DENND11: variants seen among roughly 807,000 people sequenced by gnomAD.
DENND11 encodes DENN domain containing 11, also known as DENN domain-containing protein 11.
DENND11 carries 34 observed loss-of-function variants against 49.2 expected under a neutral mutation model. The observed-to-expected ratio is 0.69, with a 90% CI of 0.53 to 0.92. The LOEUF (loss-of-function observed/expected upper bound fraction) is 0.92. Among genes scored for constraint, DENND11 ranks in the 40% least tolerant of loss-of-function variants. The probability of loss-of-function intolerance (pLI) is 0.00; values close to 1 mark genes in which losing one functional copy is unlikely to be tolerated. For synonymous variants in DENND11, 238 were observed against 230.3 expected, an observed-to-expected ratio of 1.03 and a Z score of -0.30; for missense variants, 475 against 581.6, an observed-to-expected ratio of 0.82 and a Z score of 1.88.
intron 3 of DENND11, among the ~76,000 whole-genome samples, chr7:141,682,989 A>G (rs1343462076): frequency 6.6e-6 from 1 of 152,128 alleles, no homozygotes; most frequent in Non-Finnish European, 1.5e-5. Context: ...TTGAGTACAG[A>G]AAAAGACATA....
At chr7:141,701,162 G>C (rs547725166) in intron 1 of DENND11, among the ~76,000 whole-genome samples, 3 of 152,146 alleles carry the variant, frequency 2.0e-5, no homozygotes, top group East Asian at 3.9e-4. Flanking sequence ...CTAAGATTAT[G>C]TGGGATAAGA....
chr7:141,686,054 T>TGG (rs1798237783), intron 2 of DENND11, among the ~76,000 whole-genome samples: 1 of 152,216 alleles, frequency 6.6e-6, no homozygotes, highest in African/African-American at 2.4e-5. Flanking sequence ...TGCCATTTTA[T>TGG]TTCCTCCTCT....
chr7:141,668,951 T>A (rs1346814977), intron 4 of DENND11, among the ~76,000 whole-genome samples: 1 of 152,192 alleles, frequency 6.6e-6, no homozygotes, highest in Non-Finnish European at 1.5e-5. Context: ...CCATACTCCA[T>A]CCTCTTTTCA....
At chr7:141,701,097 T>C (rs1798503932) in intron 1 of DENND11, among the ~76,000 whole-genome samples, 1 of 152,010 alleles carries the variant, frequency 6.6e-6, no homozygotes, top group African/African-American at 2.4e-5. Context: ...TTCCACCTTC[T>C]GTCCCCCGTG....
At chr7:141,695,667 G>T (rs1264686736) in intron 1 of DENND11, among the ~76,000 whole-genome samples, 1 of 152,234 alleles carries the variant, frequency 6.6e-6, no homozygotes, top group African/African-American at 2.4e-5. Context: ...TAAGAACTCA[G>T]CCAGGGAGCT....
intron 1 of DENND11, among the ~76,000 whole-genome samples, chr7:141,695,532 G>A (rs1043054918): frequency 6.6e-6 from 1 of 152,200 alleles, no homozygotes; most frequent in East Asian, 1.9e-4. Flanking sequence ...AAGTGATTTT[G>A]CATAATTAGT....
intron 1 of DENND11, among the ~76,000 whole-genome samples, chr7:141,696,813 C>T (rs1026614178): frequency 6.6e-6 from 1 of 152,186 alleles, no homozygotes; most frequent in Non-Finnish European, 1.5e-5. Context: ...TTGGTTCAGA[C>T]CCTAACATCA....
chr7:141,688,769 C>G (rs1798282598), intron 1 of DENND11, among the ~76,000 whole-genome samples: 1 of 152,148 alleles, frequency 6.6e-6, no homozygotes, highest in South Asian at 2.1e-4. Context: ...CAGGGGCTAC[C>G]CTAGGTCTAT....
chr7:141,694,158 T>A (rs555481588), intron 1 of DENND11, among the ~76,000 whole-genome samples: 1 of 152,184 alleles, frequency 6.6e-6, no homozygotes, highest in Non-Finnish European at 1.5e-5. Context: ...ACATTAATTA[T>A]TTAAAAAAAC....
chr7:141,701,300 T>G (rs1229248599), intron 1 of DENND11, among the ~76,000 whole-genome samples: 1 of 151,048 alleles, frequency 6.6e-6, no homozygotes, highest in East Asian at 2.0e-4. Context: ...AATAATGCAG[T>G]CAGAGAAAGT....
Position 141,698,726 on chromosome 7 carries a change from A to AAC in DENND11, c.268+3158_268+3159dup, listed in dbSNP as rs147485805. Reference sequence around the variant, plus strand: ...GAATCACTGCATATATTCCTGCTCAAACACACACACACACACCCTTTCTAA... The same window carrying AAC: ...GAATCACTGCATATATTCCTGCTCAAACACACACACACACACACCCTTTCTAA... On this transcript the variant is annotated intron_variant, in intron 1 of 8. Coordinates refer to ENST00000536163, the MANE Select transcript of DENND11 (RefSeq NM_001080392.2). 2.7e-3 allele frequency among the ~76,000 whole-genome samples: 407 copies of AAC among 151,382 alleles called. 1 individual carries two copies. The highest frequency in any genetic ancestry group is 4.3e-3 in the Non-Finnish European group (290 of 67,720).
intron 1 of DENND11, among the ~76,000 whole-genome samples, chr7:141,695,944 T>C (rs1325153543): frequency 2.6e-5 from 4 of 152,256 alleles, no homozygotes; most frequent in Non-Finnish European, 5.9e-5. Flanking sequence ...CAGCTGGTCA[T>C]TGAACAAATA....
At chr7:141,680,230 ACT>A (rs1798127528) in intron 3 of DENND11, among the ~76,000 whole-genome samples, 1 of 152,132 alleles carries the variant, frequency 6.6e-6, no homozygotes, top group African/African-American at 2.4e-5. Context: ...CAAGGAAGAA[ACT>A]CTCAACCTAC....
At chr7:141,689,317 C>G (rs1419203150) in intron 1 of DENND11, among the ~76,000 whole-genome samples, 2 of 152,128 alleles carry the variant, frequency 1.3e-5, no homozygotes, top group African/African-American at 2.4e-5. Flanking sequence ...ATGGATGGAG[C>G]TGGAAGCCAT....
At chr7:141,697,018 ACTT>A (rs1168430821) in intron 1 of DENND11, among the ~76,000 whole-genome samples, 2 of 152,224 alleles carry the variant, frequency 1.3e-5, no homozygotes, top group African/African-American at 2.4e-5. Flanking sequence ...CAATGCATTC[ACTT>A]TACAAAGAAA....
At chr7:141,677,898 T>C (rs1232414891) in intron 3 of DENND11, among the ~76,000 whole-genome samples, 2 of 152,098 alleles carry the variant, frequency 1.3e-5, no homozygotes, top group East Asian at 3.8e-4. Context: ...ACATAATTCA[T>C]GATACACCGG....
chr7:141,662,953 T>C lies in DENND11; in HGVS notation c.1173-102A>G, dbSNP rs140788982. ...ACCAAAACTATACTGTTTTGTTTAA[T>C]GTACTTTTCAGTGGATTCGCAGGTA... On this transcript the variant is annotated intron_variant, in intron 8 of 8. Coordinates refer to ENST00000536163, the MANE Select transcript of DENND11 (RefSeq NM_001080392.2). 6,409 of 826,342 alleles carry C rather than the reference T, an allele frequency of 7.8e-3. 47 individuals carry two copies. The highest frequency in any genetic ancestry group is 8.6e-3 in the Middle Eastern group (36 of 4,200). The allele number at this position is 826,342 out of a possible 1,614,324, so 51.2% of individuals were successfully genotyped here.
chr7:141,666,720 A>G (rs916559587), intron 4 of DENND11, among the ~76,000 whole-genome samples: 1 of 152,252 alleles, frequency 6.6e-6, no homozygotes, highest in Non-Finnish European at 1.5e-5. Context: ...TAAAAAAACC[A>G]GAATAAAAGC....
intron 1 of DENND11, among the ~76,000 whole-genome samples, chr7:141,696,356 T>C (rs1798413514): frequency 6.6e-6 from 1 of 152,252 alleles, no homozygotes; most frequent in Non-Finnish European, 1.5e-5. Context: ...GGACATTAAC[T>C]GCAGTAACTG....
Sources: allele counts gnomAD v4.1 joint callset (sites outside exome capture counted in the v4.1 genomes callset), GRCh38; gene constraint gnomAD v4.1.1; transcripts MANE v1.5; gene names NCBI Gene and HGNC (gene_info 2026-07-23, HGNC 2026-07-21).